The following FANCA variants were observed in gnomAD, a reference collection of about 807,000 sequenced individuals.
FANCA encodes Fanconi anemia group A protein.
Under a neutral mutation model 194.3 loss-of-function variants are expected in FANCA, and 236 were observed. The observed-to-expected ratio is 1.21, with a 90% CI of 1.09 to 1.35. The LOEUF (loss-of-function observed/expected upper bound fraction) is 1.35, where lower values mean the gene tolerates loss of function less well. FANCA is among the 40% of genes most tolerant of loss of function. The pLI, the probability that FANCA is intolerant of heterozygous loss-of-function variation, is 0.00. For missense variants in FANCA, 2,628 were observed against 1,813.9 expected (o/e 1.45, Z -8.15); for synonymous variants, 1,014 against 715.8 (o/e 1.42, Z -6.65).
chr16:89,810,484 A>C, intron 5 of FANCA: 1 of 548,932 alleles, frequency 1.8e-6, no homozygotes, highest in South Asian at 2.0e-5. Flanking sequence ...ATTCTAGTCT[A>C]ATAAATATTA....
intron 26 of FANCA, 136 bp downstream of exon 26, chr16:89,769,701 T>C (rs752529831): frequency 2.2e-5 from 20 of 926,036 alleles, no homozygotes; most frequent in Non-Finnish European, 3.1e-5. Flanking sequence ...TCTGGAAGGA[T>C]ATATACCAAA....
chr16:89,752,914 G>C (rs969454552), intron 30 of FANCA, among the ~76,000 whole-genome samples: 1 of 152,098 alleles, frequency 6.6e-6, no homozygotes, highest in African/African-American at 2.4e-5. Context: ...GTTTAGAGAA[G>C]ACTCTGCTCC....
rs753460067 is a variant in FANCA at position 89,770,585 on chromosome 16, G to C, written c.2201C>G (p.Ser734Cys). Residue 734 changes from serine (S) to cysteine (C), a missense_variant, in exon 24 of 43, where the codon TCC becomes TGC. Coordinates refer to ENST00000389301, the MANE Select transcript of FANCA (RefSeq NM_000135.4). ...TCACCTCTCCGGGGGAGCGACACTGGAGGCAGCCATCAGGTTCTGACAGAA... is the reference window on the plus strand; with the variant it reads ...TCACCTCTCCGGGGGAGCGACACTGCAGGCAGCCATCAGGTTCTGACAGAA... ...TSFCQNLMAASSVAPPERQGP... is the reference protein window; with the variant it reads ...TSFCQNLMAACSVAPPERQGP... 4 of 1,611,596 alleles carry C rather than the reference G, an allele frequency of 2.5e-6. No individual in the cohort carries two copies. The highest frequency in any genetic ancestry group is 1.7e-5 in the Admixed American group (1 of 59,734).
intron 20 of FANCA, among the ~76,000 whole-genome samples, chr16:89,778,083 A>G (rs892625228): frequency 6.8e-6 from 1 of 146,052 alleles, no homozygotes; most frequent in African/African-American, 2.6e-5. Flanking sequence ...AATTCCTTGA[A>G]CCCAGGAGGT....
At chr16:89,756,353 T>G (rs535046798) in intron 30 of FANCA, among the ~76,000 whole-genome samples, 2 of 152,320 alleles carry the variant, frequency 1.3e-5, no homozygotes, top group East Asian at 1.9e-4. Flanking sequence ...AAGTCAGGCC[T>G]GGCAGAGGTT....
intron 22 of FANCA, among the ~76,000 whole-genome samples, chr16:89,772,151 G>A (rs2039347914): frequency 6.6e-6 from 1 of 152,172 alleles, no homozygotes. Flanking sequence ...CATGCCAGAG[G>A]TTCCATGTTG....
intron 39 of FANCA, 35 bp from the exon 40 acceptor site, chr16:89,739,588 A>C: frequency 6.5e-7 from 1 of 1,547,520 alleles, no homozygotes; most frequent in Non-Finnish European, 8.7e-7. Flanking sequence ...GCAACTCTGG[A>C]CATCTCTGCC....
At position 89,737,623 on chromosome 16, in the gene FANCA, T is replaced by C. The variant is rs575197863; in HGVS notation, c.*978A>G. ...CACAGCTGATGAAGCCACGTGACAG[T>C]GTATAAAGCAGTTTAAAGATCTTAA... On this transcript the variant is annotated 3_prime_UTR_variant, in exon 43 of 43. Transcript: ENST00000389301. 10 of 1,149,006 alleles carry C rather than the reference T, an allele frequency of 8.7e-6. No individual in the cohort carries two copies. The South Asian group carries it at 1.0e-4, about 12-fold the overall frequency. 71.2% of individuals were successfully genotyped at this position (1,149,006 alleles called of 1,614,324 possible).
In FANCA at chr16:89,791,885, C is replaced by T. The variant is rs771433333; in HGVS notation, c.1225+42G>A. On this transcript the variant is annotated intron_variant, in intron 13 of 42. Transcript: ENST00000389301. ...GGGACTCTGCTGACACCCCCCTACA[C>T]ACACTCTTGACCAGCACCACCGGGC... The T allele has an allele frequency of 4.3e-6, 7 of 1,613,276 alleles. No individual in the cohort carries two copies. In the East Asian group the frequency reaches 1.6e-4, roughly 36 times the overall value.
intron 28 of FANCA, among the ~76,000 whole-genome samples, chr16:89,764,177 G>A (rs768208351): frequency 3.3e-5 from 5 of 152,160 alleles, no homozygotes; most frequent in Admixed American, 6.5e-5. Flanking sequence ...AGGAGGCAGA[G>A]GCTGCAGTGA....
At chr16:89,748,242 G>C (rs1279962199) in intron 33 of FANCA, among the ~76,000 whole-genome samples, 1 of 152,218 alleles carries the variant, frequency 6.6e-6, no homozygotes, top group African/African-American at 2.4e-5. Flanking sequence ...ACGCTGGGCA[G>C]TGTCTAAAAT....
intron 11 of FANCA, among the ~76,000 whole-genome samples, chr16:89,794,945 G>A (rs1005790730): frequency 1.3e-5 from 2 of 152,146 alleles, no homozygotes; most frequent in African/African-American, 4.8e-5. Flanking sequence ...TGGGTGATCA[G>A]GTATTCCAGA....
intron 32 of FANCA, 36 bp downstream of exon 32, chr16:89,749,694 G>A: frequency 6.3e-7 from 1 of 1,595,228 alleles, no homozygotes; most frequent in Non-Finnish European, 8.6e-7. Flanking sequence ...CCCTGCCCAG[G>A]TGGTGCTGCC....
intron 11 of FANCA, among the ~76,000 whole-genome samples, chr16:89,793,899 C>A (rs1416263028): frequency 6.6e-6 from 1 of 152,082 alleles, no homozygotes; most frequent in East Asian, 1.9e-4. Context: ...TACAGGCGCC[C>A]ACCACCACGC....
chr16:89,765,334 T>G (rs925769108), intron 27 of FANCA, among the ~76,000 whole-genome samples: 1 of 147,564 alleles, frequency 6.8e-6, no homozygotes. Flanking sequence ...AACCCCACGT[T>G]CAGGGGACCT....
intron 14 of FANCA, 178 bp downstream of exon 14, chr16:89,791,225 C>T: frequency 1.2e-6 from 1 of 810,208 alleles, no homozygotes; most frequent in Non-Finnish European, 2.0e-6. Context: ...GAGGCCCCGA[C>T]AGGGAGAACC....
chr16:89,799,259 C>A, intron 9 of FANCA, 27 bp from the exon 10 acceptor site: 1 of 1,613,436 alleles, frequency 6.2e-7, no homozygotes. Context: ...GAACAGAAAA[C>A]AGATGTCAGC....
At chr16:89,774,484 A>T (rs987456679) in intron 21 of FANCA, among the ~76,000 whole-genome samples, 6 of 152,008 alleles carry the variant, frequency 3.9e-5, no homozygotes, top group Admixed American at 1.3e-4. Flanking sequence ...TAATCCCAGC[A>T]CTGTGGGAGG....
chr16:89,739,914 G>A, intron 39 of FANCA, 80 bp downstream of exon 39: 1 of 1,593,582 alleles, frequency 6.3e-7, no homozygotes. Flanking sequence ...ACCTCAAGGA[G>A]GGCTCGTTCT....
Sources: allele counts gnomAD v4.1 joint callset (sites outside exome capture counted in the v4.1 genomes callset), GRCh38; gene constraint gnomAD v4.1.1; transcripts MANE v1.5; gene names NCBI Gene and HGNC (gene_info 2026-07-23, HGNC 2026-07-21).